KHDRBS2: variants seen among roughly 807,000 people sequenced by gnomAD.
KHDRBS2 encodes KH RNA binding domain containing, signal transduction associated 2.
KHDRBS2 carries 26 observed loss-of-function variants against 44.3 expected under a neutral mutation model. The observed-to-expected ratio is 0.59, with a 90% CI of 0.43 to 0.81. The LOEUF (loss-of-function observed/expected upper bound fraction) is 0.81, where lower values mean the gene tolerates loss of function less well. Among genes scored for constraint, KHDRBS2 ranks in the 40% least tolerant of loss-of-function variants. The pLI is 0.00. For synonymous variants in KHDRBS2, 194 were observed against 151.1 expected (o/e 1.28, Z -2.08); for missense variants, 476 against 433.1 (o/e 1.10, Z -0.88).
the KHDRBS2 span, among the ~76,000 whole-genome samples, chr6:61,670,133 A>G: frequency 6.6e-6 from 1 of 151,368 alleles, no homozygotes; most frequent in Admixed American, 6.6e-5. Context: ...TTTACATACT[A>G]TTTTTGTTTA....
At chr6:61,769,211 C>G (rs536270055) in intron 6 of KHDRBS2, among the ~76,000 whole-genome samples, 1 of 152,062 alleles carries the variant, frequency 6.6e-6, no homozygotes, top group Non-Finnish European at 1.5e-5. Flanking sequence ...AGGAACAGCT[C>G]CGGTCTACGG....
the KHDRBS2 span, among the ~76,000 whole-genome samples, chr6:61,555,688 C>T: frequency 8.2e-3 from 1,242 of 152,258 alleles, 23 homozygotes; most frequent in African/African-American, 0.028. Flanking sequence ...TTGTTTGTTT[C>T]GCTTGCTTGT....
At chr6:61,848,479 A>G (rs1253293312) in intron 6 of KHDRBS2, among the ~76,000 whole-genome samples, 1 of 52,638 alleles carries the variant, frequency 1.9e-5, no homozygotes, top group Admixed American at 1.8e-4. Context: ...TTATATATAT[A>G]TATATATATA....
At chr6:62,180,117 A>G (rs1361774187) in intron 1 of KHDRBS2, among the ~76,000 whole-genome samples, 5 of 151,804 alleles carry the variant, frequency 3.3e-5, no homozygotes, top group Non-Finnish European at 5.9e-5. Context: ...ACCAAACACT[A>G]CATGTTCCAG....
chr6:61,778,238 C>T (rs1342545654), intron 6 of KHDRBS2, among the ~76,000 whole-genome samples: 1 of 152,060 alleles, frequency 6.6e-6, no homozygotes, highest in Non-Finnish European at 1.5e-5. Flanking sequence ...TCGTTTAACT[C>T]CGTGGATGAA....
chr6:61,747,198 G>A (rs568547392), intron 6 of KHDRBS2, among the ~76,000 whole-genome samples: 47 of 152,202 alleles, frequency 3.1e-4, no homozygotes, highest in South Asian at 4.1e-4. Flanking sequence ...AGCTTAAAAT[G>A]TTGTTGGCAT....
chr6:61,727,802 C>A (rs570808923), intron 7 of KHDRBS2, among the ~76,000 whole-genome samples: 1 of 151,726 alleles, frequency 6.6e-6, no homozygotes, highest in Non-Finnish European at 1.5e-5. Context: ...CAGGCAAAAA[C>A]AAACACTTTT....
rs193215409 is a variant in KHDRBS2 at position 62,078,122 on chromosome 6, T to G, written c.220-30128A>C. 1.4e-3 allele frequency among the ~76,000 whole-genome samples: 219 copies of G among 152,126 alleles called. 1 individual carries two copies. In the South Asian group the frequency reaches 0.021, roughly 15 times the overall value. ...ACACCTTGCTTGTAAAATCACCTAGTCTCCACAGTTTTGCGATTCACTCTA... is the reference window on the plus strand; with the variant it reads ...ACACCTTGCTTGTAAAATCACCTAGGCTCCACAGTTTTGCGATTCACTCTA... On this transcript the variant is annotated intron_variant, in intron 2 of 8. Transcript: ENST00000281156.
chr6:61,777,048 A>G (rs1455001450), intron 6 of KHDRBS2, among the ~76,000 whole-genome samples: 2 of 152,068 alleles, frequency 1.3e-5, no homozygotes, highest in Non-Finnish European at 2.9e-5. Flanking sequence ...ACAAAAAACC[A>G]AACACCACAT....
intron 1 of KHDRBS2, among the ~76,000 whole-genome samples, chr6:62,227,138 T>G (rs1832014042): frequency 6.6e-6 from 1 of 152,252 alleles, no homozygotes; most frequent in Non-Finnish European, 1.5e-5. Flanking sequence ...ACATTATTGA[T>G]TCTTCCTATC....
intron 6 of KHDRBS2, among the ~76,000 whole-genome samples, chr6:61,823,878 T>C (rs1790408184): frequency 6.6e-6 from 1 of 152,112 alleles, no homozygotes; most frequent in East Asian, 1.9e-4. Context: ...AGTCTCTTAA[T>C]GAAGAAATAA....
At chr6:62,280,787 T>C (rs982893522) in intron 1 of KHDRBS2, among the ~76,000 whole-genome samples, 1 of 151,698 alleles carries the variant, frequency 6.6e-6, no homozygotes, top group East Asian at 1.9e-4. Context: ...GGAGAAAGAG[T>C]AGGAGATACA....
intron 4 of KHDRBS2, among the ~76,000 whole-genome samples, chr6:61,905,668 A>G (rs1583438126): frequency 6.6e-6 from 1 of 152,182 alleles, no homozygotes; most frequent in African/African-American, 2.4e-5. Context: ...TCATAATTTT[A>G]ATGCAAATTT....
At chr6:62,215,976 T>A (rs1224304097) in intron 1 of KHDRBS2, among the ~76,000 whole-genome samples, 4 of 151,798 alleles carry the variant, frequency 2.6e-5, no homozygotes, top group African/African-American at 9.7e-5. Context: ...GGTATCACAT[T>A]CAGAAATAAC....
chr6:62,237,823 G>C (rs1261828976), intron 1 of KHDRBS2, among the ~76,000 whole-genome samples: 11 of 152,084 alleles, frequency 7.2e-5, no homozygotes, highest in Admixed American at 6.6e-5. Flanking sequence ...GGCAGATCAC[G>C]AGGTCAGGAG....
chr6:62,209,292 TAAC>T (rs969753177), intron 1 of KHDRBS2, among the ~76,000 whole-genome samples: 1 of 152,028 alleles, frequency 6.6e-6, no homozygotes, highest in Non-Finnish European at 1.5e-5. Flanking sequence ...GTAGTGGAAA[TAAC>T]AAAGTCAAAA....
chr6:61,659,128 TC>T, the KHDRBS2 span: 8 of 151,880 alleles, frequency 5.3e-5, no homozygotes, highest in Non-Finnish European at 1.2e-4. Context: ...TTGGTTCAAA[TC>T]CAAATTATCT....
chr6:61,582,605 G>A, the KHDRBS2 span, among the ~76,000 whole-genome samples: 3 of 151,530 alleles, frequency 2.0e-5, no homozygotes, highest in Admixed American at 2.0e-4. Flanking sequence ...TGGGAAAACA[G>A]CTTCTTTTTA....
chr6:61,676,988 AT>A (rs1236415259), downstream of KHDRBS2, among the ~76,000 whole-genome samples: 2 of 151,916 alleles, frequency 1.3e-5, no homozygotes, highest in African/African-American at 4.8e-5. Context: ...GTTACTCAAA[AT>A]GAAGTTATCT....
Sources: gnomAD v4.1 joint callset for allele counts (sites outside exome capture counted in the v4.1 genomes callset) on GRCh38, gnomAD v4.1.1 for gene constraint, MANE v1.5 for transcripts, NCBI Gene and HGNC (gene_info 2026-07-23, HGNC 2026-07-21) for gene names.